The following TXLNG variants were observed in gnomAD, a reference collection of about 807,000 sequenced individuals.
TXLNG encodes taxilin gamma.
In TXLNG, 5 loss-of-function variants were observed where a neutral mutation model predicts 38.8. That is an observed-to-expected ratio of 0.13 (90% CI 0.07 to 0.27). The LOEUF (loss-of-function observed/expected upper bound fraction) is 0.27. Among genes scored for constraint, TXLNG ranks in the 10% least tolerant of loss-of-function variants. TXLNG has a pLI of 1.00. For synonymous variants in TXLNG, 182 were observed against 158.2 expected (o/e 1.15, Z -1.13); for missense variants, 393 against 398.2 (o/e 0.99, Z 0.11).
At chrX:16,826,295 A>T (rs909973902) in intron 3 of TXLNG, among the ~76,000 whole-genome samples, 1 of 112,024 alleles carries the variant, frequency 8.9e-6, no homozygotes, top group Non-Finnish European at 1.9e-5. Flanking sequence ...TCCTGCAAGA[A>T]TTTCAGTAAA....
chrX:16,806,916 C>CAAAA (rs1182577038), intron 1 of TXLNG, among the ~76,000 whole-genome samples: 1 of 38,917 alleles, frequency 2.6e-5, no homozygotes, highest in Non-Finnish European at 4.7e-5. Flanking sequence ...GACTCTGTCT[C>CAAAA]AAAAAAAAAA....
intron 1 of TXLNG, among the ~76,000 whole-genome samples, chrX:16,790,729 A>G (rs1927672740): frequency 8.9e-6 from 1 of 112,235 alleles, no homozygotes; most frequent in Non-Finnish European, 1.9e-5. Context: ...ACATTTGCAC[A>G]TACATTAACT....
chrX:16,809,191 C>G (rs1017814775), intron 1 of TXLNG, among the ~76,000 whole-genome samples: 1 of 110,825 alleles, frequency 9.0e-6, no homozygotes, highest in African/African-American at 3.3e-5. Flanking sequence ...TAGAGGTTCC[C>G]TTGTGCTGCT....
At chrX:16,829,545 A>G (rs1245586769) in intron 4 of TXLNG, 31 bp from the exon 5 acceptor site, 12 of 1,187,770 alleles carry the variant, frequency 1.0e-5, no homozygotes, top group Non-Finnish European at 1.4e-5. Flanking sequence ...ATAGGTCTGT[A>G]TTATTAACAA....
At chrX:16,815,111 TATTATC>T (rs1296446703) in intron 1 of TXLNG, among the ~76,000 whole-genome samples, 2 of 112,010 alleles carry the variant, frequency 1.8e-5, no homozygotes, top group African/African-American at 6.5e-5. Flanking sequence ...GTGTGGGTTT[TATTATC>T]ATTAAGTGTC....
chrX:16,801,709 G>A (rs1928098360), intron 1 of TXLNG, among the ~76,000 whole-genome samples: 1 of 111,328 alleles, frequency 9.0e-6, no homozygotes, highest in African/African-American at 3.3e-5. Flanking sequence ...TGGAGGGAAA[G>A]AGATTGGCTA....
intron 1 of TXLNG, among the ~76,000 whole-genome samples, chrX:16,788,972 A>T (rs190839526): frequency 7.2e-4 from 81 of 112,023 alleles, no homozygotes; most frequent in African/African-American, 2.6e-3. Context: ...CTGGCCAAAA[A>T]TTTTTTTAAA....
chrX:16,793,811 G>GT lies in TXLNG; in HGVS notation c.102+7230dup, dbSNP rs746636153. ...GGTGTGTGTGCCACCATGTCTGGCT[G>GT]TTTTTTTTCTTTTTTTTGAGAGACA... On this transcript the variant is annotated intron_variant, in intron 1 of 9. Transcript: ENST00000380122. Among the ~76,000 whole-genome samples, 11 of 108,721 alleles carry GT rather than the reference G, an allele frequency of 1.0e-4. 1 individual carries two copies. In the South Asian group the frequency reaches 2.0e-3, roughly 20 times the overall value. 94.4% of individuals were successfully genotyped at this position (108,721 alleles called of 115,157 possible). A position where few individuals can be genotyped will look rare whatever the true frequency, so the allele number is the denominator to read the frequency against.
At position 16,795,068 on chromosome X, in the gene TXLNG, G is replaced by T. The variant is rs1927832625; in HGVS notation, c.102+8479G>T. On this transcript the variant is annotated intron_variant, in intron 1 of 9. Transcript: ENST00000380122. ...AGAGGCAGGCGGATCACGAGGTCAGGAGATCGAGACCATCCTGGCTAAGAT... is the reference window on the plus strand; with the variant it reads ...AGAGGCAGGCGGATCACGAGGTCAGTAGATCGAGACCATCCTGGCTAAGAT... Among the ~76,000 whole-genome samples, 6 of 110,449 alleles carry T rather than the reference G, an allele frequency of 5.4e-5. No individual in the cohort carries two copies. The Admixed American group carries it at 5.9e-4, about 11-fold the overall frequency.
At chrX:16,791,877 C>T (rs1269061234) in intron 1 of TXLNG, among the ~76,000 whole-genome samples, 2 of 112,221 alleles carry the variant, frequency 1.8e-5, no homozygotes, top group Non-Finnish European at 3.8e-5. Flanking sequence ...TGAGCCACCG[C>T]GCCCTGCCTG....
intron 1 of TXLNG, among the ~76,000 whole-genome samples, chrX:16,798,378 T>C (rs1927961053): frequency 8.9e-6 from 1 of 112,157 alleles, no homozygotes; most frequent in Admixed American, 9.5e-5. Flanking sequence ...CAACAAGTAC[T>C]GTTGTTTGCT....
chrX:16,821,872 T>C lies in TXLNG; in HGVS notation c.498+1617T>C, dbSNP rs1928981091. On this transcript the variant is annotated intron_variant, in intron 3 of 9. Transcript: ENST00000380122. ...AGCCTGGCATGGTGGCAGGCGCCTG[T>C]AGTCCCAGCTACTCGGGAGGCTGAG... Among the ~76,000 whole-genome samples the C allele has an allele frequency of 2.8e-5, 3 of 107,931 alleles. No individual in the cohort carries two copies. In the Admixed American group the frequency reaches 3.0e-4, roughly 11 times the overall value. 93.7% of individuals were successfully genotyped at this position (107,931 alleles called of 115,157 possible).
intron 3 of TXLNG, among the ~76,000 whole-genome samples, chrX:16,826,595 G>A (rs950070639): frequency 5.4e-5 from 6 of 111,202 alleles, no homozygotes; most frequent in African/African-American, 2.0e-4. Context: ...AGTAGCCTGT[G>A]GGTGTAAAAC....
chrX:16,811,729 C>T (rs1602374064), intron 1 of TXLNG, among the ~76,000 whole-genome samples: 2 of 106,357 alleles, frequency 1.9e-5, no homozygotes, highest in Non-Finnish European at 3.9e-5. Context: ...CTCTGCTTCC[C>T]GGGTTCAAGT....
In TXLNG at chrX:16,818,875, T is replaced by C. The variant is rs1014360613; in HGVS notation, c.404T>C (p.Leu135Ser). ...SECNRNKEKTLGKEVLLLMQA... is the reference protein window; with the variant it reads ...SECNRNKEKTSGKEVLLLMQA... ...TGCAACAGGAACAAAGAAAAAACTT[T>C]AGGTAATAATCCGTTCAGTGGTTGG... The change falls in exon 2 of 10, where the codon TTA (leucine) becomes TCA (serine). Residue 135 changes from leucine to serine, a missense_variant and splice_region_variant. Leu to Ser is a moderately radical substitution (Grantham distance 145, BLOSUM62 -2). Transcript: ENST00000380122. The C allele has an allele frequency of 6.7e-6, 8 of 1,197,253 alleles. No homozygotes were observed. Among genetic ancestry groups the C allele is most frequent in the Admixed American group, 4.6e-5 (2 of 43,700 alleles).
chrX:16,798,173 T>C (rs1401778332), intron 1 of TXLNG, among the ~76,000 whole-genome samples: 2 of 112,471 alleles, frequency 1.8e-5, no homozygotes, highest in African/African-American at 6.5e-5. Flanking sequence ...TCGAAAATAT[T>C]GGTTAACTGA....
rs7881951 is a variant in TXLNG, at chrX:16,806,231, C to T, written c.103-12343C>T. On this transcript the variant is annotated intron_variant, in intron 1 of 9. Coordinates refer to ENST00000380122, the MANE Select transcript of TXLNG (RefSeq NM_018360.3). The stretch of plus-strand genomic sequence containing the variant: ...TGAAAGCCCCTCAAAATACTGGAAG[C>T]GTTTAGGAGGAACGTTTATGTTTTA... Among the ~76,000 whole-genome samples the T allele has an allele frequency of 7.2e-5, 8 of 111,127 alleles. No homozygotes were observed. The South Asian group carries it at 2.6e-3, about 36-fold the overall frequency.
At chrX:16,804,976 C>T (rs761802532) in intron 1 of TXLNG, among the ~76,000 whole-genome samples, 49 of 9,669 alleles carry the variant, frequency 5.1e-3, no homozygotes, top group Non-Finnish European at 7.9e-3. Context: ...TGCCCACCCC[C>T]CCCCCCCGCT....
chrX:16,825,247 T>C (rs929778950), intron 3 of TXLNG, among the ~76,000 whole-genome samples: 3 of 112,254 alleles, frequency 2.7e-5, no homozygotes, highest in African/African-American at 9.7e-5. Flanking sequence ...TGAAGAAATC[T>C]GATCATTTTG....
Sources: gnomAD v4.1 joint callset for allele counts (sites outside exome capture counted in the v4.1 genomes callset) on GRCh38, gnomAD v4.1.1 for gene constraint, MANE v1.5 for transcripts, NCBI Gene and HGNC (gene_info 2026-07-23, HGNC 2026-07-21) for gene names.